STAB2: variants seen among roughly 807,000 people sequenced by gnomAD.
STAB2 encodes the protein stabilin-2.
In STAB2, 288 loss-of-function variants were observed where a neutral mutation model predicts 338.1. That is an observed-to-expected ratio of 0.85 (90% CI 0.77 to 0.94). The LOEUF is 0.94. Ranked by LOEUF, STAB2 falls within the 40% of genes least tolerant of loss-of-function variation. The pLI, the probability that STAB2 is intolerant of heterozygous loss-of-function variation, is 0.00. For missense variants in STAB2, 3,141 were observed against 3,210.1 expected (o/e 0.98, Z 0.52); for synonymous variants, 1,202 against 1,193.3 (o/e 1.01, Z -0.15).
intron 3 of STAB2, among the ~76,000 whole-genome samples, chr12:103,614,520 A>G (rs531657181): frequency 1.3e-5 from 2 of 152,346 alleles, no homozygotes; most frequent in East Asian, 3.9e-4. Context: ...TCTCCCTATG[A>G]ACAGCACTGG....
At chr12:103,742,302 C>T (rs1473014331) in intron 55 of STAB2, 103 bp from the exon 56 acceptor site, 2 of 1,478,036 alleles carry the variant, frequency 1.4e-6, no homozygotes, top group South Asian at 1.3e-5. Flanking sequence ...GGCGATGGTC[C>T]CTCTGGGCTA....
Position 103,766,460 on chromosome 12 carries a change from T to G in STAB2, c.*124T>G. 1 of 1,121,660 alleles carries G rather than the reference T, an allele frequency of 8.9e-7. No homozygotes were observed. The allele number at this position is 1,121,660 out of a possible 1,614,324, so 69.5% of individuals were successfully genotyped here. ...AAGCACTCAGAAGCCATACCTCATC[T>G]CTCTGGCTGATCTGGGGGTTGTTTC... On this transcript the variant is annotated 3_prime_UTR_variant, in exon 69 of 69. Transcript: ENST00000388887.
chr12:103,587,705 T>C, intron 1 of STAB2, 148 bp downstream of exon 1: 1 of 693,770 alleles, frequency 1.4e-6, no homozygotes, highest in South Asian at 1.9e-5. Context: ...GTCCTAATTG[T>C]GATGCACCAT....
At chr12:103,592,113 C>T (rs1455765213) in intron 2 of STAB2, 1 of 152,116 alleles carries the variant, frequency 6.6e-6, no homozygotes, top group Non-Finnish European at 1.5e-5. Context: ...CAGTGGGTAT[C>T]ATCAGATGGG....
chr12:103,641,340 G>A lies in STAB2; in HGVS notation c.1040+1084G>A, dbSNP rs73396003. 8.5e-3 allele frequency among the ~76,000 whole-genome samples: 1,300 copies of A among 152,286 alleles called. 17 individuals are homozygous for A. Among genetic ancestry groups the A allele is most frequent in the African/African-American group, 0.028 (1,161 of 41,558 alleles). On this transcript the variant is annotated intron_variant, in intron 9 of 68. Coordinates refer to ENST00000388887, the MANE Select transcript of STAB2 (RefSeq NM_017564.10). The stretch of plus-strand genomic sequence containing the variant: ...ACACTTAGGTTCAAATCCCAAGTCT[G>A]CCCCTTACCTTACCCTCTCTGAACT...
At chr12:103,735,035 C>T (rs972289982) in intron 51 of STAB2, among the ~76,000 whole-genome samples, 1 of 152,176 alleles carries the variant, frequency 6.6e-6, no homozygotes, top group African/African-American at 2.4e-5. Flanking sequence ...CCAGGATTAC[C>T]TCATCCTAAC....
Position 103,739,457 on chromosome 12 carries a change from A to G in STAB2, c.5743A>G (p.Ser1915Gly). 1 of 1,593,218 alleles carries G rather than the reference A, an allele frequency of 6.3e-7. No individual in the cohort carries two copies. The change falls in exon 54 of 69, where the codon AGT becomes GGT. Residue 1915 changes from serine (S) to glycine (G), a missense_variant. By Grantham distance (56) the Ser-to-Gly change is moderately conservative. Coordinates refer to ENST00000388887, the MANE Select transcript of STAB2 (RefSeq NM_017564.10). ...CVNTPSCPRW[S>G]KPKGVKQKCL... is the part of the protein sequence containing the mutation. ...CAATACTCCCAGCTGCCCAAGGTGGAGTAAACCAAAGGTAATTAAGACTGC... is the reference window on the plus strand; with the variant it reads ...CAATACTCCCAGCTGCCCAAGGTGGGGTAAACCAAAGGTAATTAAGACTGC...
chr12:103,637,241 G>A lies in STAB2; in HGVS notation c.709+5G>A. On this transcript the variant is annotated splice_donor_5th_base_variant and intron_variant, in intron 7 of 68. Coordinates refer to ENST00000388887, the MANE Select transcript of STAB2 (RefSeq NM_017564.10). ...GCGATGGCAAATACTGCGACCGTGA[G>A]TAGAATTTAGATTCTGCTAGTTTAT... 1 of 1,608,472 alleles carries A rather than the reference G, an allele frequency of 6.2e-7. No homozygotes were observed. The highest frequency in any genetic ancestry group is 8.5e-7 in the Non-Finnish European group (1 of 1,178,250).
intron 66 of STAB2, 78 bp from the exon 67 acceptor site, chr12:103,762,196 G>A: frequency 6.3e-7 from 1 of 1,578,818 alleles, no homozygotes; most frequent in Non-Finnish European, 8.6e-7. Flanking sequence ...GCTCCAGAAT[G>A]CCTCGGGCCA....
At chr12:103,656,377 A>G (rs1187296817) in intron 15 of STAB2, among the ~76,000 whole-genome samples, 2 of 152,210 alleles carry the variant, frequency 1.3e-5, no homozygotes, top group East Asian at 3.8e-4. Context: ...AGGATGTCCC[A>G]GTCTTTTAGG....
At position 103,695,141 on chromosome 12, in the gene STAB2, G is replaced by T. The variant is rs78416366; in HGVS notation, c.3376-409G>T. ...AGAGAAAATAAATGGAGAACCTAAA[G>T]AATAAACACACGAATAACAACCAAG... On this transcript the variant is annotated intron_variant, in intron 31 of 68. Transcript: ENST00000388887. Among the ~76,000 whole-genome samples the T allele has an allele frequency of 1.7e-3, 257 of 152,278 alleles. 1 individual carries two copies. Among genetic ancestry groups the T allele is most frequent in the African/African-American group, 5.8e-3 (240 of 41,558 alleles).
At position 103,595,298 on chromosome 12, in the gene STAB2, A is replaced by C. The variant is rs550255809; in HGVS notation, c.331+788A>C. ...CCCCATCTTCTTAGATGTAATGAAA[A>C]CATCTCCTTAGGATCCACATAAAAG... On this transcript the variant is annotated intron_variant, in intron 3 of 68. Transcript: ENST00000388887. 4.6e-5 allele frequency among the ~76,000 whole-genome samples: 7 copies of C among 152,230 alleles called. No individual in the cohort carries two copies. The East Asian group carries it at 1.4e-3, about 29-fold the overall frequency.
chr12:103,627,189 C>T (rs1374018390), intron 5 of STAB2, among the ~76,000 whole-genome samples: 1 of 152,034 alleles, frequency 6.6e-6, no homozygotes, highest in African/African-American at 2.4e-5. Context: ...GACTCCAGAG[C>T]CTGGGCCCCT....
intron 38 of STAB2, among the ~76,000 whole-genome samples, chr12:103,707,515 A>G (rs1381865882): frequency 3.3e-5 from 5 of 152,240 alleles, no homozygotes; most frequent in African/African-American, 1.2e-4. Flanking sequence ...CTTTTAGATC[A>G]TGCTGTTCTT....
Position 103,590,963 on chromosome 12 carries a change from C to CT in STAB2, c.150dup (p.Gly51TrpfsTer26). 1 of 1,614,066 alleles carries CT rather than the reference C, an allele frequency of 6.2e-7. No homozygotes were observed. The highest frequency in any genetic ancestry group is 8.5e-7 in the Non-Finnish European group (1 of 1,180,008). On this transcript the variant is annotated frameshift_variant, in exon 2 of 69. Transcript: ENST00000388887. LOFTEE classifies it high-confidence loss of function. The stretch of plus-strand genomic sequence containing the variant: ...CGAGTGCCGATCCTGCGCTCTCAAC[C>CT]TTGGAGTCAAGTGCCCGGATGGTTA...
rs375355287 is a variant in STAB2, at chr12:103,713,777, C to A, written c.4537+9C>A. The A allele has an allele frequency of 1.1e-5, 18 of 1,613,208 alleles. No individual in the cohort carries two copies. In the African/African-American group the frequency reaches 2.4e-4, roughly 22 times the overall value. On this transcript the variant is annotated intron_variant, in intron 42 of 68. Coordinates refer to ENST00000388887, the MANE Select transcript of STAB2 (RefSeq NM_017564.10). ...TGGCATTGTGTGCCTGGGTAGGTGT[C>A]CTTCCCTCTTCCATCGGCGAAATGG...
At chr12:103,756,824 G>A (rs928018348) in intron 63 of STAB2, among the ~76,000 whole-genome samples, 11 of 151,898 alleles carry the variant, frequency 7.2e-5, no homozygotes, top group Admixed American at 5.9e-4. Context: ...TCTCACTGGT[G>A]TAAAAATCAG....
chr12:103,592,692 C>A (rs1266074963), intron 2 of STAB2, among the ~76,000 whole-genome samples: 1 of 152,168 alleles, frequency 6.6e-6, no homozygotes, highest in African/African-American at 2.4e-5. Context: ...TTTCTCCCCC[C>A]TCTTTTTTGT....
chr12:103,623,173 T>C (rs1396868509), intron 5 of STAB2, among the ~76,000 whole-genome samples: 1 of 152,188 alleles, frequency 6.6e-6, no homozygotes, highest in Non-Finnish European at 1.5e-5. Context: ...GGTGCCACTG[T>C]GAACCACTGG....
Sources: gnomAD v4.1 joint callset for allele counts (sites outside exome capture counted in the v4.1 genomes callset) on GRCh38, gnomAD v4.1.1 for gene constraint, MANE v1.5 for transcripts, NCBI Gene and HGNC (gene_info 2026-07-23, HGNC 2026-07-21) for gene names.